Variants in FCGR3A observed in about 807,000 individuals in gnomAD.
The protein encoded by FCGR3A is low affinity immunoglobulin gamma Fc region receptor III-A.
In FCGR3A, 13 loss-of-function variants were observed where a neutral mutation model predicts 24.1. That is an observed-to-expected ratio of 0.54 (90% CI 0.35 to 0.86). FCGR3A has a LOEUF of 0.86. FCGR3A is among the 40% of genes least tolerant of loss of function. The pLI is 0.01. For missense variants in FCGR3A, 235 were observed against 298.0 expected, an observed-to-expected ratio of 0.79 and a Z score of 1.56; for synonymous variants, 93 against 112.2, an observed-to-expected ratio of 0.83 and a Z score of 1.08.
intron 2 of FCGR3A, 62 bp downstream of exon 2, chr1:161,548,949 T>C (rs1677604218): frequency 6.4e-7 from 1 of 1,570,848 alleles, no homozygotes; most frequent in Non-Finnish European, 8.8e-7. Flanking sequence ...TCCCAATATC[T>C]TATGGCCTTT....
At position 161,544,844 on chromosome 1, in the gene FCGR3A, C is replaced by T. The variant is rs1380674371; in HGVS notation, c.434G>A (p.Gly145Asp). ...ALHKVTYLQN[G>D]KGRKYFHHNS... ...ATGATGAAAATACTTCCTGCCTTTG[C>T]CATTCTGTAAATATGTGACCTTATG... The change falls in exon 4 of 5, where the codon GGC becomes GAC. Residue 145 changes from glycine (G) to aspartate (D), a missense_variant. Transcript: ENST00000443193. The T allele has an allele frequency of 6.2e-7, 1 of 1,613,786 alleles. No individual in the cohort carries two copies. The highest frequency in any genetic ancestry group is 8.5e-7 in the Non-Finnish European group (1 of 1,179,928).
At position 161,544,899 on chromosome 1, in the gene FCGR3A, T is replaced by G. The variant is rs1467073086; in HGVS notation, c.379A>C (p.Arg127=). 1 of 1,613,450 alleles carries G rather than the reference T, an allele frequency of 6.2e-7. No homozygotes were observed. The highest frequency in any genetic ancestry group is 2.2e-5 in the East Asian group (1 of 44,874). The change falls in exon 4 of 5, where the codon AGG becomes CGG. Residue 127 remains arginine (R), a synonymous_variant. Coordinates refer to ENST00000443193, the MANE Select transcript of FCGR3A (RefSeq NM_000569.8). ...VFKEEDPIHL[R]CHSWKNTALH... is the part of the protein sequence containing the mutation. ...GCAGTGTTCTTCCAGCTGTGACACC[T>G]CAGGTGAATAGGGTCTTCCTCCTTG...
chr1:161,546,812 G>A (rs1677431589), intron 3 of FCGR3A, among the ~76,000 whole-genome samples: 2 of 151,974 alleles, frequency 1.3e-5, no homozygotes, highest in Non-Finnish European at 2.9e-5. Flanking sequence ...GGCTGAGGCA[G>A]GAGAATTGCT....
chr1:161,543,642 T>C (rs1018371607), intron 4 of FCGR3A, among the ~76,000 whole-genome samples: 1 of 152,166 alleles, frequency 6.6e-6, no homozygotes, highest in African/African-American at 2.4e-5. Context: ...TTTACCCAGA[T>C]CCACTCATTG....
chr1:161,549,111 C>T (rs1677616792), intron 1 of FCGR3A, 80 bp from the exon 2 acceptor site: 3 of 1,219,116 alleles, frequency 2.5e-6, no homozygotes, highest in Non-Finnish European at 3.6e-6. Flanking sequence ...TTTAAAACTC[C>T]CCTGCCCTCC....
At position 161,544,763 on chromosome 1, in the gene FCGR3A, C is replaced by A. The variant is rs749893099; in HGVS notation, c.515G>T (p.Cys172Phe). 6.6e-5 allele frequency: 107 copies of A among 1,613,150 alleles called. No homozygotes were observed. Among genetic ancestry groups the A allele is most frequent in the Admixed American group, 3.2e-4 (19 of 59,960 alleles). ...ATTTTTACTCCCAAAAAGCCCCCTGCAGAAGTAGGAGCCGCTGTCTTTGAG... is the reference window on the plus strand; with the variant it reads ...ATTTTTACTCCCAAAAAGCCCCCTGAAGAAGTAGGAGCCGCTGTCTTTGAG... ...ATLKDSGSYF[C>F]RGLFGSKNVS... is the part of the protein sequence containing the mutation. The change falls in exon 4 of 5, where the codon TGC (cysteine) becomes TTC (phenylalanine). Residue 172 changes from cysteine to phenylalanine, a missense_variant. Transcript: ENST00000443193.
chr1:161,545,095 G>C, intron 3 of FCGR3A, 137 bp from the exon 4 acceptor site: 1 of 1,025,540 alleles, frequency 9.8e-7, no homozygotes, highest in South Asian at 1.7e-5. Context: ...GCTCCCTTTG[G>C]GGAAGAGCTG....
At chr1:161,550,015 A>G (rs1677686792), upstream of FCGR3A, 6 of 707,154 alleles carry the variant, frequency 8.5e-6, no homozygotes, top group East Asian at 1.6e-4. Flanking sequence ...GCATCTGAGG[A>G]CACACACAGA....
chr1:161,549,283 C>A lies in FCGR3A; in HGVS notation c.41-252G>T, dbSNP rs538833501. Among the ~76,000 whole-genome samples, 14 of 151,814 alleles carry A rather than the reference C, an allele frequency of 9.2e-5. No homozygotes were observed. The East Asian group carries it at 2.5e-3, about 27-fold the overall frequency. On this transcript the variant is annotated intron_variant, in intron 1 of 4. Transcript: ENST00000443193. Reference sequence around the variant, plus strand: ...ACCCCTTGCTCCCTGTGCAAACTCACAAATTAAGGGTACAGGTTGAATTTC... The same window carrying A: ...ACCCCTTGCTCCCTGTGCAAACTCAAAAATTAAGGGTACAGGTTGAATTTC...
rs1677328865 is a variant in FCGR3A at position 161,545,075 on chromosome 1, A to G, written c.320-117T>C. 13 of 1,324,852 alleles carry G rather than the reference A, an allele frequency of 9.8e-6. No homozygotes were observed. The South Asian group carries it at 1.3e-4, about 13-fold the overall frequency. 82.1% of individuals were successfully genotyped at this position (1,324,852 alleles called of 1,614,324 possible). On this transcript the variant is annotated intron_variant, in intron 3 of 4. Coordinates refer to ENST00000443193, the MANE Select transcript of FCGR3A (RefSeq NM_000569.8). Reference sequence around the variant, plus strand: ...TAAGGGAAAGCCAGATTGGGAGTCAACCCTGCATAGCTCCCTTTGGGGAAG... The same window carrying G: ...TAAGGGAAAGCCAGATTGGGAGTCAGCCCTGCATAGCTCCCTTTGGGGAAG...
At chr1:161,546,520 T>A (rs1322576619) in intron 3 of FCGR3A, among the ~76,000 whole-genome samples, 1 of 151,898 alleles carries the variant, frequency 6.6e-6, no homozygotes, top group African/African-American at 2.4e-5. Flanking sequence ...TCAGAAATAA[T>A]CACAATACAA....
chr1:161,543,386 A>G (rs1378872075), intron 4 of FCGR3A, among the ~76,000 whole-genome samples, 187 bp from the exon 5 acceptor site: 1 of 152,152 alleles, frequency 6.6e-6, no homozygotes, highest in Non-Finnish European at 1.5e-5. Context: ...CTATCTGAGC[A>G]GAGGACAGCT....
At chr1:161,543,336 G>T in intron 4 of FCGR3A, 137 bp from the exon 5 acceptor site, 8 of 994,410 alleles carry the variant, frequency 8.0e-6, no homozygotes, top group Non-Finnish European at 1.2e-5. Context: ...GAAGTCTGGG[G>T]GAAAGTATTG....
Position 161,544,836 on chromosome 1 carries a change from T to C in FCGR3A, c.442A>G (p.Arg148Gly). ...TCAGAATTATGATGAAAATACTTCCTGCCTTTGCCATTCTGTAAATATGTG... is the reference window on the plus strand; with the variant it reads ...TCAGAATTATGATGAAAATACTTCCCGCCTTTGCCATTCTGTAAATATGTG... The part of the protein sequence containing the change: ...KVTYLQNGKG[R>G]KYFHHNSDFY... Residue 148 changes from arginine (R) to glycine (G), a missense_variant, in exon 4 of 5, where the codon AGG (arginine) becomes GGG (glycine). Arg to Gly is a moderately radical substitution (Grantham distance 125). Transcript: ENST00000443193. 1.9e-6 allele frequency: 3 copies of C among 1,613,970 alleles called. No individual in the cohort carries two copies. The highest frequency in any genetic ancestry group is 2.5e-6 in the Non-Finnish European group (3 of 1,179,932).
rs773725219 is a variant in FCGR3A, at chr1:161,542,994, A to AC, written c.*17dup. 6.3e-7 allele frequency: 1 copy of AC among 1,590,454 alleles called. No homozygotes were observed. Among genetic ancestry groups the AC allele is most frequent in the African/African-American group, 1.4e-5 (1 of 73,438 alleles). On this transcript the variant is annotated 3_prime_UTR_variant, in exon 5 of 5. Transcript: ENST00000443193. ...AGATGCTGCTGCTACTGCTCTTATT[A>AC]CCCCCATGGGATGGGGGTCATTTGT...
Position 161,542,972 on chromosome 1 carries a change from T to C in FCGR3A, c.*40A>G, listed in dbSNP as rs753801794. 6.6e-7 allele frequency: 1 copy of C among 1,510,440 alleles called. No homozygotes were observed. The highest frequency in any genetic ancestry group is 9.0e-7 in the Non-Finnish European group (1 of 1,106,012). The allele number at this position is 1,510,440 out of a possible 1,614,324, so 93.6% of individuals were successfully genotyped here. On this transcript the variant is annotated 3_prime_UTR_variant, in exon 5 of 5. Transcript: ENST00000443193. ...GCAAATCCAGAGAAATGTTCAGAGA[T>C]GCTGCTGCTACTGCTCTTATTACCC...
At chr1:161,545,059 G>C in intron 3 of FCGR3A, 101 bp from the exon 4 acceptor site, 1 of 1,498,898 alleles carries the variant, frequency 6.7e-7, no homozygotes, top group East Asian at 2.3e-5. Flanking sequence ...ATAAGGGAAA[G>C]CCAGATTGGG....
rs1164797047 is a variant in FCGR3A, at chr1:161,544,982, C to T, written c.320-24G>A. The stretch of plus-strand genomic sequence containing the variant: ...GCCTGAAAGACACAGACACCCCAGG[C>T]CCGGGAGGCCTCAGCTCTCAGTGCA... On this transcript the variant is annotated intron_variant, in intron 3 of 4. Coordinates refer to ENST00000443193, the MANE Select transcript of FCGR3A (RefSeq NM_000569.8). 1.3e-5 allele frequency: 20 copies of T among 1,595,660 alleles called. 1 individual carries two copies. Among genetic ancestry groups the T allele is most frequent in the Non-Finnish European group, 1.6e-5 (19 of 1,165,200 alleles).
intron 3 of FCGR3A, among the ~76,000 whole-genome samples, chr1:161,546,952 T>G (rs969578536): frequency 6.6e-6 from 1 of 151,536 alleles, no homozygotes; most frequent in African/African-American, 2.4e-5. Flanking sequence ...AAAAAAGAAG[T>G]AAAAAATGCT....
Sources: gnomAD v4.1 joint callset for allele counts (sites outside exome capture counted in the v4.1 genomes callset) on GRCh38, gnomAD v4.1.1 for gene constraint, MANE v1.5 for transcripts, NCBI Gene and HGNC (gene_info 2026-07-23, HGNC 2026-07-21) for gene names.